Variants in WDR88 observed in about 807,000 individuals in gnomAD.
The protein encoded by WDR88 is WD repeat domain 88.
WDR88 carries 40 observed loss-of-function variants against 46.8 expected under a neutral mutation model. That is an observed-to-expected ratio of 0.86 (90% CI 0.66 to 1.11). WDR88 has a LOEUF of 1.11. WDR88 is among the 50% of genes most tolerant of loss of function. The pLI is 0.00. For missense variants in WDR88, 562 were observed against 602.4 expected, an observed-to-expected ratio of 0.93 and a Z score of 0.70; for synonymous variants, 235 against 240.7, an observed-to-expected ratio of 0.98 and a Z score of 0.22.
intron 3 of WDR88, 84 bp from the exon 4 acceptor site, chr19:33,147,561 C>T (rs1278129717): frequency 1.5e-6 from 2 of 1,352,854 alleles, no homozygotes; most frequent in Non-Finnish European, 2.1e-6. Context: ...CGGTATTGCA[C>T]CACTGCACTC....
intron 10 of WDR88, among the ~76,000 whole-genome samples, chr19:33,172,756 T>G (rs2145427678): frequency 6.6e-6 from 1 of 152,080 alleles, no homozygotes; most frequent in Admixed American, 6.6e-5. Flanking sequence ...CTGTGTCGAC[T>G]TGAAGGTGGT....
At chr19:33,153,477 A>C (rs559539822) in intron 6 of WDR88, among the ~76,000 whole-genome samples, 5 of 152,040 alleles carry the variant, frequency 3.3e-5, no homozygotes, top group Non-Finnish European at 7.3e-5. Flanking sequence ...TTGCACTGAG[A>C]ACTGAAAATG....
chr19:33,132,114 G>T lies in WDR88; in HGVS notation c.-56G>T, dbSNP rs1169738253. Reference sequence around the variant, plus strand: ...GGTGCGGGCGCGGGCGCGGGCGCGCGGCGCCACCGTTCCCATCCAGGCTTG... The same window carrying T: ...GGTGCGGGCGCGGGCGCGGGCGCGCTGCGCCACCGTTCCCATCCAGGCTTG... On this transcript the variant is annotated 5_prime_UTR_variant, in exon 1 of 11. Coordinates refer to ENST00000355868, the MANE Select transcript of WDR88 (RefSeq NM_173479.4). The T allele has an allele frequency of 4.1e-6, 6 of 1,467,738 alleles. No homozygotes were observed. The Admixed American group carries it at 1.2e-4, about 30-fold the overall frequency. 90.9% of individuals were successfully genotyped at this position (1,467,738 alleles called of 1,614,324 possible). A position where few individuals can be genotyped will look rare whatever the true frequency, so the allele number is the denominator to read the frequency against.
intron 5 of WDR88, among the ~76,000 whole-genome samples, chr19:33,150,054 C>T (rs1447442692): frequency 1.3e-5 from 2 of 152,218 alleles, no homozygotes; most frequent in Non-Finnish European, 2.9e-5. Flanking sequence ...ATGGGGGCTG[C>T]TGGGTGAAGG....
intron 10 of WDR88, chr19:33,174,325 C>T: frequency 6.6e-7 from 1 of 1,515,208 alleles, no homozygotes; most frequent in Non-Finnish European, 8.8e-7. Flanking sequence ...TCCAGCAGGC[C>T]TCAGTGTCCT....
intron 10 of WDR88, chr19:33,174,279 C>T (rs1974088789): frequency 6.5e-7 from 1 of 1,528,958 alleles, no homozygotes; most frequent in Non-Finnish European, 8.7e-7. Context: ...GGCCAGGCTT[C>T]CCCGAGGCCT....
In WDR88 at chr19:33,135,063, G is replaced by T. The variant is rs74957630; in HGVS notation, c.277-2614G>T. Reference sequence around the variant, plus strand: ...CGAGCTGGGGTGGGTGGGTGGGGGGGGTGACATCTTCAGGCTTCCCTGCTC... The same window carrying T: ...CGAGCTGGGGTGGGTGGGTGGGGGGTGTGACATCTTCAGGCTTCCCTGCTC... On this transcript the variant is annotated intron_variant, in intron 1 of 10. Coordinates refer to ENST00000355868, the MANE Select transcript of WDR88 (RefSeq NM_173479.4). Among the ~76,000 whole-genome samples the T allele has an allele frequency of 1.0e-4, 15 of 150,614 alleles. No individual in the cohort carries two copies. The South Asian group carries it at 1.9e-3, about 19-fold the overall frequency.
At position 33,151,354 on chromosome 19, in the gene WDR88, G is replaced by A. The variant is rs199869596; in HGVS notation, c.809+44G>A. 843 of 1,594,512 alleles carry A rather than the reference G, an allele frequency of 5.3e-4. 8 individuals carry two copies. The African/African-American group carries it at 8.7e-3, about 17-fold the overall frequency. On this transcript the variant is annotated intron_variant, in intron 6 of 10. Transcript: ENST00000355868. ...GGCCAGAAGGGAGTTTGGGTGGGGC[G>A]TCCCCATTCATGACTTCCTGAATTC...
At chr19:33,146,246 A>G (rs947316414) in intron 3 of WDR88, among the ~76,000 whole-genome samples, 11 of 152,190 alleles carry the variant, frequency 7.2e-5, no homozygotes, top group Non-Finnish European at 1.6e-4. Context: ...TGGTGAGCTG[A>G]GGTCACGCCA....
intron 4 of WDR88, 123 bp downstream of exon 4, chr19:33,147,831 G>C (rs1973550871): frequency 1.3e-6 from 1 of 797,538 alleles, no homozygotes; most frequent in Non-Finnish European, 2.0e-6. Context: ...TAGGAAGGAG[G>C]CATGTTCCTG....
intron 2 of WDR88, among the ~76,000 whole-genome samples, chr19:33,141,837 C>T (rs1347101799): frequency 5.3e-5 from 8 of 152,076 alleles, no homozygotes; most frequent in South Asian, 4.1e-4. Flanking sequence ...CCTGCCACCA[C>T]GCCCGGCTAA....
intron 8 of WDR88, among the ~76,000 whole-genome samples, chr19:33,163,532 AC>A (rs1185617232): frequency 1.3e-5 from 2 of 152,058 alleles, no homozygotes; most frequent in African/African-American, 4.8e-5. Context: ...AAAAACAACA[AC>A]AACAAAAAAA....
At position 33,160,473 on chromosome 19, in the gene WDR88, G is replaced by A. The variant is rs1166461189; in HGVS notation, c.1057G>A (p.Gly353Ser). ...TGTGGCTATTTGGGATGTAGCAGAA[G>A]GCTACCGGAAGCTCTCTTTGAAGGT... The part of the protein sequence containing the change: ...RTVAIWDVAE[G>S]YRKLSLKGHN... The change falls in exon 8 of 11, where the codon GGC (glycine) becomes AGC (serine). Residue 353 changes from glycine (G) to serine (S), a missense_variant. Coordinates refer to ENST00000355868, the MANE Select transcript of WDR88 (RefSeq NM_173479.4). 6.2e-7 allele frequency: 1 copy of A among 1,614,206 alleles called. No homozygotes were observed. Among genetic ancestry groups the A allele is most frequent in the East Asian group, 2.2e-5 (1 of 44,884 alleles).
At chr19:33,154,674 A>C (rs1973701168) in intron 6 of WDR88, among the ~76,000 whole-genome samples, 1 of 152,210 alleles carries the variant, frequency 6.6e-6, no homozygotes, top group African/African-American at 2.4e-5. Flanking sequence ...ATACGTGTGC[A>C]TGTGTATTTA....
At chr19:33,157,565 G>GTA in intron 7 of WDR88, among the ~76,000 whole-genome samples, 1 of 140,700 alleles carries the variant, frequency 7.1e-6, no homozygotes, top group East Asian at 2.0e-4. Flanking sequence ...ATATATATAT[G>GTA]TATATATGTG....
chr19:33,173,049 G>C (rs1370368072), intron 10 of WDR88, among the ~76,000 whole-genome samples: 2 of 130,410 alleles, frequency 1.5e-5, no homozygotes, highest in Non-Finnish European at 3.1e-5. Flanking sequence ...TTGAGATTGC[G>C]CCACTGCACT....
At chr19:33,133,194 A>AGAG (rs1568355834) in intron 1 of WDR88, among the ~76,000 whole-genome samples, 1 of 49,410 alleles carries the variant, frequency 2.0e-5, no homozygotes, top group Admixed American at 1.5e-4. Flanking sequence ...TAAATAAATA[A>AGAG]ATATAGAGAG....
Position 33,137,788 on chromosome 19 carries a change from G to A in WDR88, c.387+1G>A, listed in dbSNP as rs752445648. 7 of 1,612,014 alleles carry A rather than the reference G, an allele frequency of 4.3e-6. No homozygotes were observed. In the African/African-American group the frequency reaches 6.7e-5, roughly 15 times the overall value. On this transcript the variant is annotated splice_donor_variant, in intron 2 of 10. Coordinates refer to ENST00000355868, the MANE Select transcript of WDR88 (RefSeq NM_173479.4). LOFTEE classifies it high-confidence loss of function. ...CTATGACTGCACTGTGAAGCTGTGG[G>A]TAGGTGGCCGGCTGTTAGGTACTCC...
rs960221882 is a variant in WDR88 at position 33,144,836 on chromosome 19, G to A, written c.388-8G>A. 1.9e-6 allele frequency: 3 copies of A among 1,613,032 alleles called. No individual in the cohort carries two copies. The highest frequency in any genetic ancestry group is 2.5e-6 in the Non-Finnish European group (3 of 1,179,548). ...ACTCTCTTCTCCTCTCTCTCCCGTT[G>A]ATTTGAGGATCCGGTGGACGGTTCT... On this transcript the variant is annotated splice_polypyrimidine_tract_variant and splice_region_variant and intron_variant, in intron 2 of 10. Coordinates refer to ENST00000355868, the MANE Select transcript of WDR88 (RefSeq NM_173479.4).
Sources: gnomAD v4.1 joint callset for allele counts (sites outside exome capture counted in the v4.1 genomes callset) on GRCh38, gnomAD v4.1.1 for gene constraint, MANE v1.5 for transcripts, NCBI Gene and HGNC (gene_info 2026-07-23, HGNC 2026-07-21) for gene names.